The following AHI1 variants were observed in gnomAD, a reference collection of about 807,000 sequenced individuals.
The protein encoded by AHI1 is Abelson helper integration site 1, also known as jouberin.
In AHI1, 123 loss-of-function variants were observed where a neutral mutation model predicts 149.3. The ratio of observed to expected loss-of-function variants is 0.82; its 90% CI spans 0.71 to 0.96. The LOEUF (loss-of-function observed/expected upper bound fraction) is 0.96, where lower values mean the gene tolerates loss of function less well. AHI1 is among the 40% of genes least tolerant of loss of function. The probability of loss-of-function intolerance (pLI) is 0.00; values close to 1 mark genes in which losing one functional copy is unlikely to be tolerated. For synonymous variants in AHI1, 475 were observed against 459.8 expected (o/e 1.03, Z -0.42); for missense variants, 1,439 against 1,422.7 (o/e 1.01, Z -0.18).
chr6:135,291,053 CAATGGCAATAGCA>C (rs2128339992), intron 27 of AHI1, among the ~76,000 whole-genome samples: 1 of 151,824 alleles, frequency 6.6e-6, no homozygotes, highest in South Asian at 2.1e-4. Context: ...CCAAATGATT[CAATGGCAATAGCA>C]AAATATAAAA....
intron 19 of AHI1, among the ~76,000 whole-genome samples, chr6:135,428,144 C>T (rs1484223972): frequency 5.3e-5 from 8 of 151,518 alleles, no homozygotes; most frequent in Non-Finnish European, 1.0e-4. Context: ...AAGTGAGCTT[C>T]CCAATGTAAT....
intron 23 of AHI1, among the ~76,000 whole-genome samples, chr6:135,390,107 T>A (rs1778268824): frequency 6.6e-6 from 1 of 152,186 alleles, no homozygotes; most frequent in Non-Finnish European, 1.5e-5. Context: ...AATGTGGCCC[T>A]GGGAAGCCAA....
chr6:135,315,325 T>C (rs1785777930), intron 26 of AHI1, among the ~76,000 whole-genome samples: 1 of 152,214 alleles, frequency 6.6e-6, no homozygotes, highest in Non-Finnish European at 1.5e-5. Context: ...TTTATGGCCT[T>C]GAACTCTATA....
chr6:135,393,755 T>A (rs781243759), intron 23 of AHI1, among the ~76,000 whole-genome samples: 1 of 152,122 alleles, frequency 6.6e-6, no homozygotes, highest in Non-Finnish European at 1.5e-5. Context: ...TATATTCACA[T>A]AGCACCTTAT....
At chr6:135,301,087 C>G (rs113335023) in intron 26 of AHI1, 2 of 985,010 alleles carry the variant, frequency 2.0e-6, no homozygotes, top group Admixed American at 6.2e-5. Context: ...TCAAGGGTAC[C>G]AAATTTTACC....
chr6:135,488,846 G>C (rs1794846399), intron 5 of AHI1, among the ~76,000 whole-genome samples: 1 of 152,016 alleles, frequency 6.6e-6, no homozygotes, highest in African/African-American at 2.4e-5. Context: ...ATAATATTGG[G>C]TTGTGGTTAA....
chr6:135,334,644 G>A (rs1789098953), intron 24 of AHI1, among the ~76,000 whole-genome samples: 1 of 152,172 alleles, frequency 6.6e-6, no homozygotes, highest in East Asian at 1.9e-4. Flanking sequence ...CTTTTTATTG[G>A]CTATTCCCTA....
At chr6:135,431,438 A>G in intron 16 of AHI1, 124 bp from the exon 17 acceptor site, 1 of 497,092 alleles carries the variant, frequency 2.0e-6, no homozygotes, top group Non-Finnish European at 3.3e-6. Flanking sequence ...ATTAAAAGGT[A>G]TTTCAGTTTA....
intron 24 of AHI1, among the ~76,000 whole-genome samples, chr6:135,350,376 G>A (rs145269102): frequency 6.6e-6 from 1 of 152,166 alleles, no homozygotes; most frequent in East Asian, 1.9e-4. Context: ...TCTTCTTTGA[G>A]GGCTCTTCTT....
At chr6:135,451,860 T>C (rs990653867) in intron 11 of AHI1, among the ~76,000 whole-genome samples, 11 of 151,926 alleles carry the variant, frequency 7.2e-5, no homozygotes, top group African/African-American at 2.7e-4. Context: ...TTTTAATGGC[T>C]TTTTTTCTTT....
chr6:135,443,764 G>A (rs902140249), intron 13 of AHI1, among the ~76,000 whole-genome samples: 2 of 152,114 alleles, frequency 1.3e-5, no homozygotes, highest in African/African-American at 4.8e-5. Flanking sequence ...TCATGTACCA[G>A]ACTCCATGCT....
At chr6:135,404,335 T>C (rs751235712) in intron 22 of AHI1, among the ~76,000 whole-genome samples, 1 of 152,202 alleles carries the variant, frequency 6.6e-6, no homozygotes, top group Non-Finnish European at 1.5e-5. Context: ...TTAGTTGAAA[T>C]TGTTTACTAA....
rs565333618 is a variant in AHI1 at position 135,394,676 on chromosome 6, G to T, written c.3109+100C>A. The stretch of plus-strand genomic sequence containing the variant: ...ATATAATTTGTCAAGTGTAAAAACC[G>T]ACCATTATGAGCTTTATTTCTAAAG... On this transcript the variant is annotated intron_variant, in intron 23 of 28. Coordinates refer to ENST00000265602, the MANE Select transcript of AHI1 (RefSeq NM_001134831.2). 18 of 1,485,470 alleles carry T rather than the reference G, an allele frequency of 1.2e-5. No homozygotes were observed. The African/African-American group carries it at 2.4e-4, about 19-fold the overall frequency. The allele number at this position is 1,485,470 out of a possible 1,614,324, so 92.0% of individuals were successfully genotyped here.
At chr6:135,328,852 A>C (rs1788108958) in intron 24 of AHI1, among the ~76,000 whole-genome samples, 1 of 152,114 alleles carries the variant, frequency 6.6e-6, no homozygotes, top group African/African-American at 2.4e-5. Context: ...TAAAAGTGCT[A>C]CTCCAGTGAA....
intron 16 of AHI1, among the ~76,000 whole-genome samples, chr6:135,432,194 T>A (rs1784760279): frequency 6.6e-6 from 1 of 152,160 alleles, no homozygotes; most frequent in Admixed American, 6.5e-5. Context: ...ATCAGCAGTA[T>A]TATCCTTTTG....
intron 25 of AHI1, among the ~76,000 whole-genome samples, chr6:135,320,427 G>A (rs997223212): frequency 1.3e-5 from 2 of 152,190 alleles, no homozygotes; most frequent in African/African-American, 4.8e-5. Context: ...GATCATCATG[G>A]AAGAAGAACA....
intron 20 of AHI1, among the ~76,000 whole-genome samples, chr6:135,415,087 G>C (rs1028022822): frequency 1.3e-5 from 2 of 150,820 alleles, no homozygotes; most frequent in African/African-American, 4.9e-5. Context: ...CCTTGCGATA[G>C]TTTGCTGAGA....
At chr6:135,408,660 C>T (rs1392553176) in intron 21 of AHI1, among the ~76,000 whole-genome samples, 1 of 152,002 alleles carries the variant, frequency 6.6e-6, no homozygotes, top group East Asian at 1.9e-4. Flanking sequence ...AATGTAGTTC[C>T]TTGTATAGTT....
intron 6 of AHI1, among the ~76,000 whole-genome samples, chr6:135,466,579 C>T (rs974875958): frequency 1.8e-4 from 28 of 152,100 alleles, no homozygotes; most frequent in African/African-American, 6.3e-4. Context: ...CTGAATGTAA[C>T]TTCAGATTAA....
Sources: allele counts gnomAD v4.1 joint callset (sites outside exome capture counted in the v4.1 genomes callset), GRCh38; gene constraint gnomAD v4.1.1; transcripts MANE v1.5; gene names NCBI Gene and HGNC (gene_info 2026-07-23, HGNC 2026-07-21).